Variants in UGCG observed in about 807,000 individuals in gnomAD.
The protein encoded by UGCG is UDP-glucose ceramide glucosyltransferase.
A neutral mutation model predicts 49.5 loss-of-function variants in UGCG; 10 were observed. That is an observed-to-expected ratio of 0.20 (90% CI 0.12 to 0.34). The LOEUF (loss-of-function observed/expected upper bound fraction) is 0.34, where lower values mean the gene tolerates loss of function less well. UGCG is among the 10% of genes least tolerant of loss of function. The pLI is 1.00. For missense variants in UGCG, 312 were observed against 483.7 expected, an observed-to-expected ratio of 0.65 and a Z score of 3.33; for synonymous variants, 182 against 158.2, an observed-to-expected ratio of 1.15 and a Z score of -1.13.
At chr9:111,906,254 C>T (rs1324383517) in intron 1 of UGCG, among the ~76,000 whole-genome samples, 1 of 152,120 alleles carries the variant, frequency 6.6e-6, no homozygotes, top group Non-Finnish European at 1.5e-5. Context: ...TCATTGTGCC[C>T]AGATTTTATG....
intron 1 of UGCG, among the ~76,000 whole-genome samples, chr9:111,904,211 C>A (rs1472725868): frequency 6.6e-6 from 1 of 152,214 alleles, no homozygotes; most frequent in East Asian, 1.9e-4. Flanking sequence ...TATCAGTCTG[C>A]CCTGTTATCT....
Position 111,932,377 on chromosome 9 carries a change from A to T in UGCG, c.1014+18A>T. 6.2e-7 allele frequency: 1 copy of T among 1,603,310 alleles called. No homozygotes were observed. Among genetic ancestry groups the T allele is most frequent in the Non-Finnish European group, 8.5e-7 (1 of 1,173,644 alleles). ...GTGTCCAGGTATGTGGATAGGCATGAAAAGGTTGGCAGTCCCTTGGTGGAA... is the reference window on the plus strand; with the variant it reads ...GTGTCCAGGTATGTGGATAGGCATGTAAAGGTTGGCAGTCCCTTGGTGGAA... On this transcript the variant is annotated intron_variant, in intron 8 of 8. Coordinates refer to ENST00000374279, the MANE Select transcript of UGCG (RefSeq NM_003358.3).
chr9:111,914,618 A>T lies in UGCG; in HGVS notation c.112A>T (p.Asn38Tyr). The change falls in exon 2 of 9, where the codon AAC becomes TAC. Residue 38 changes from asparagine to tyrosine, a missense_variant. Asn to Tyr is a moderately radical substitution (Grantham distance 143). Transcript: ENST00000374279. ...MAIIYTRLHL[N>Y]KKATDKQPYS... Reference sequence around the variant, plus strand: ...TTTGCTTTTTAGCCGATTACACCTCAACAAGAAGGCAACTGACAAACAGCC... The same window carrying T: ...TTTGCTTTTTAGCCGATTACACCTCTACAAGAAGGCAACTGACAAACAGCC... 6.2e-7 allele frequency: 1 copy of T among 1,613,958 alleles called. No individual in the cohort carries two copies. Among genetic ancestry groups the T allele is most frequent in the Non-Finnish European group, 8.5e-7 (1 of 1,179,918 alleles).
At chr9:111,912,436 GGGCATGGT>G (rs1838028691) in intron 1 of UGCG, among the ~76,000 whole-genome samples, 1 of 151,970 alleles carries the variant, frequency 6.6e-6, no homozygotes, top group African/African-American at 2.4e-5. Context: ...AAAGTTAGCT[GGGCATGGT>G]GGTGCATGCC....
intron 2 of UGCG, among the ~76,000 whole-genome samples, chr9:111,920,186 A>T (rs1838194916): frequency 6.6e-6 from 1 of 152,084 alleles, no homozygotes; most frequent in African/African-American, 2.4e-5. Context: ...TAGATATTGG[A>T]TAGAATATAT....
chr9:111,921,794 C>G (rs1838225147), intron 2 of UGCG, among the ~76,000 whole-genome samples: 1 of 100,004 alleles, frequency 1.0e-5, no homozygotes, highest in South Asian at 3.0e-4. Flanking sequence ...AATAAATGCC[C>G]CAGGGTGATT....
chr9:111,903,589 C>T (rs1188747292), intron 1 of UGCG, among the ~76,000 whole-genome samples: 2 of 152,120 alleles, frequency 1.3e-5, no homozygotes, highest in African/African-American at 4.8e-5. Context: ...AATGTTCCCA[C>T]CTTGGCTTTT....
chr9:111,908,730 T>C (rs1358434115), intron 1 of UGCG, among the ~76,000 whole-genome samples: 1 of 152,172 alleles, frequency 6.6e-6, no homozygotes, highest in African/African-American at 2.4e-5. Context: ...ATGAGAAAGC[T>C]TGTGCAACGT....
intron 8 of UGCG, 117 bp downstream of exon 8, chr9:111,932,476 A>T (rs1838443587): frequency 8.9e-7 from 1 of 1,128,336 alleles, no homozygotes; most frequent in African/African-American, 1.6e-5. Context: ...ATTGTAGGTT[A>T]GTCTCGGGTT....
chr9:111,921,545 G>A (rs1838221267), intron 2 of UGCG, among the ~76,000 whole-genome samples: 2 of 151,698 alleles, frequency 1.3e-5, no homozygotes, highest in East Asian at 3.9e-4. Context: ...CTCCTGTTTG[G>A]GAGGCTGAGG....
chr9:111,906,243 C>T (rs763415559), intron 1 of UGCG, among the ~76,000 whole-genome samples: 12 of 152,156 alleles, frequency 7.9e-5, no homozygotes, highest in Non-Finnish European at 1.5e-4. Flanking sequence ...TTTCCCATCT[C>T]TCATTGTGCC....
rs997019531 is a variant in UGCG, at chr9:111,900,993, A to T, written c.98+3680A>T. Among the ~76,000 whole-genome samples the T allele has an allele frequency of 1.5e-4, 23 of 151,804 alleles. 1 individual carries two copies. The highest frequency in any genetic ancestry group is 1.4e-3 in the Admixed American group (22 of 15,224). ...CCCAAGTAGCTGGGACTACCGGTGC[A>T]TGCCATCACGCCCAGCTAATTTTTG... On this transcript the variant is annotated intron_variant, in intron 1 of 8. Transcript: ENST00000374279.
chr9:111,901,956 C>A (rs540558787), intron 1 of UGCG, among the ~76,000 whole-genome samples: 17 of 152,338 alleles, frequency 1.1e-4, no homozygotes, highest in African/African-American at 3.8e-4. Context: ...TACCATGAAT[C>A]CTCATTGCCT....
chr9:111,914,572 A>G (rs575275304), intron 1 of UGCG, 33 bp from the exon 2 acceptor site: 6 of 1,606,848 alleles, frequency 3.7e-6, no homozygotes, highest in East Asian at 4.5e-5. Flanking sequence ...AATGTATTCT[A>G]TAGAAATAAT....
chr9:111,897,865 C>T (rs1255979055), intron 1 of UGCG, among the ~76,000 whole-genome samples: 1 of 151,628 alleles, frequency 6.6e-6, no homozygotes, highest in Non-Finnish European at 1.5e-5. Flanking sequence ...TGAGTCCTGT[C>T]AGCTTGTACA....
chr9:111,911,931 T>C (rs1169983159), intron 1 of UGCG, among the ~76,000 whole-genome samples: 3 of 26,876 alleles, frequency 1.1e-4, no homozygotes, highest in African/African-American at 4.8e-4. Context: ...TATATATATA[T>C]ATATATATAT....
chr9:111,906,991 T>C (rs978348257), intron 1 of UGCG, among the ~76,000 whole-genome samples: 3 of 152,322 alleles, frequency 2.0e-5, no homozygotes, highest in Non-Finnish European at 4.4e-5. Flanking sequence ...GCAGTGCTGC[T>C]CAAGCTTGAG....
chr9:111,918,676 G>C (rs1426672029), intron 2 of UGCG, among the ~76,000 whole-genome samples: 1 of 152,146 alleles, frequency 6.6e-6, no homozygotes, highest in Non-Finnish European at 1.5e-5. Flanking sequence ...GCTCACGCCT[G>C]TAATCCCAGC....
At chr9:111,907,750 G>A (rs923139091) in intron 1 of UGCG, among the ~76,000 whole-genome samples, 54 of 151,330 alleles carry the variant, frequency 3.6e-4, no homozygotes, top group Non-Finnish European at 1.3e-4. Context: ...TCAGCCTCCC[G>A]AGTAGCTGGG....
Sources: allele counts gnomAD v4.1 joint callset (sites outside exome capture counted in the v4.1 genomes callset), GRCh38; gene constraint gnomAD v4.1.1; transcripts MANE v1.5; gene names NCBI Gene and HGNC (gene_info 2026-07-23, HGNC 2026-07-21).